Variants in SYT17 observed in about 807,000 individuals in gnomAD.
The protein encoded by SYT17 is synaptotagmin-17.
In SYT17, 22 loss-of-function variants were observed where a neutral mutation model predicts 46.7. That is an observed-to-expected ratio of 0.47 (90% CI 0.34 to 0.67). The LOEUF (loss-of-function observed/expected upper bound fraction) is 0.67, where lower values mean the gene tolerates loss of function less well. SYT17 is among the 30% of genes least tolerant of loss of function. SYT17 has a pLI of 0.01. For missense variants in SYT17, 519 were observed against 612.8 expected, an observed-to-expected ratio of 0.85 and a Z score of 1.62; for synonymous variants, 251 against 248.4, an observed-to-expected ratio of 1.01 and a Z score of -0.10.
intron 7 of SYT17, among the ~76,000 whole-genome samples, chr16:19,266,530 T>C (rs1049154113): frequency 2.6e-5 from 4 of 152,212 alleles, no homozygotes; most frequent in African/African-American, 9.6e-5. Context: ...CAGAGCTCTA[T>C]ATGCAGTGTG....
At chr16:19,196,757 C>T (rs1429269500) in intron 5 of SYT17, among the ~76,000 whole-genome samples, 1 of 152,174 alleles carries the variant, frequency 6.6e-6, no homozygotes, top group Non-Finnish European at 1.5e-5. Flanking sequence ...CCATAATTTA[C>T]ATTAGGATGC....
chr16:19,234,084 G>T (rs1966800543), intron 7 of SYT17, among the ~76,000 whole-genome samples: 1 of 152,170 alleles, frequency 6.6e-6, no homozygotes, highest in African/African-American at 2.4e-5. Flanking sequence ...CCAGCACTAT[G>T]GGGGGCCTAG....
chr16:19,181,149 G>GT (rs1479052360), intron 4 of SYT17, among the ~76,000 whole-genome samples: 1 of 152,150 alleles, frequency 6.6e-6, no homozygotes, highest in Non-Finnish European at 1.5e-5. Context: ...GGCAATCTGG[G>GT]TTTTTTTATG....
At chr16:19,207,816 A>G (rs1965731292) in intron 5 of SYT17, among the ~76,000 whole-genome samples, 2 of 152,122 alleles carry the variant, frequency 1.3e-5, no homozygotes, top group African/African-American at 2.4e-5. Flanking sequence ...CAACAGGATC[A>G]CTCGAGGCCA....
chr16:19,246,978 C>T (rs1402233000), intron 7 of SYT17, among the ~76,000 whole-genome samples: 3 of 152,056 alleles, frequency 2.0e-5, no homozygotes, highest in South Asian at 2.1e-4. Context: ...GAAAGGGGGT[C>T]GTGATGCATG....
chr16:19,174,821 A>G (rs1464485224), intron 3 of SYT17, among the ~76,000 whole-genome samples: 4 of 150,324 alleles, frequency 2.7e-5, no homozygotes, highest in Non-Finnish European at 4.5e-5. Flanking sequence ...GTGATCATAC[A>G]TGTAAGTAAC....
intron 5 of SYT17, among the ~76,000 whole-genome samples, chr16:19,195,400 C>CT (rs35709095): frequency 0.018 from 2,518 of 139,952 alleles, 66 homozygotes; most frequent in African/African-American, 0.054. Flanking sequence ...CAAAACAAAC[C>CT]TTTTTTTTTT....
intron 7 of SYT17, among the ~76,000 whole-genome samples, chr16:19,253,745 G>C (rs1351946726): frequency 6.6e-6 from 1 of 151,456 alleles, no homozygotes; most frequent in Non-Finnish European, 1.5e-5. Context: ...TTTTCTTCTT[G>C]AGACGGAGTT....
intron 7 of SYT17, among the ~76,000 whole-genome samples, chr16:19,245,350 C>T (rs571757715): frequency 1.4e-4 from 22 of 152,220 alleles, no homozygotes; most frequent in Admixed American, 6.5e-4. Flanking sequence ...CCCCTCACAA[C>T]GGAAAATCAT....
rs1358256667 is a variant in SYT17, at chr16:19,168,322, C to T, written c.-325C>T. The T allele has an allele frequency of 5.0e-6, 2 of 401,596 alleles. No individual in the cohort carries two copies. The highest frequency in any genetic ancestry group is 3.4e-5 in the South Asian group (1 of 29,272). The allele number at this position is 401,596 out of a possible 1,614,324, so 24.9% of individuals were successfully genotyped here. On this transcript the variant is annotated 5_prime_UTR_variant, in exon 1 of 8. Transcript: ENST00000355377. The surrounding 1 kb of genome is among the most constrained non-coding windows in gnomAD (Gnocchi z 6.9). Reference sequence around the variant, plus strand: ...AGCTGCCCCGGGCTGCTTGCCCAGGCGCCCCGGCCTTATTCCAGCCTGGGG... The same window carrying T: ...AGCTGCCCCGGGCTGCTTGCCCAGGTGCCCCGGCCTTATTCCAGCCTGGGG...
intron 5 of SYT17, among the ~76,000 whole-genome samples, chr16:19,202,699 T>G (rs1385975448): frequency 2.0e-5 from 3 of 152,098 alleles, no homozygotes; most frequent in African/African-American, 7.2e-5. Flanking sequence ...CAAAAGACAC[T>G]CTGATCATTC....
At chr16:19,249,963 C>T in intron 7 of SYT17, 1 of 1,536,046 alleles carries the variant, frequency 6.5e-7, no homozygotes, top group Non-Finnish European at 8.7e-7. Flanking sequence ...CCATACCAGC[C>T]TGCGAACTGA....
rs552001099 is a variant in SYT17 at position 19,225,727 on chromosome 16, G to A, written c.1228+889G>A. ...GAACTGGGGACCTCAGTTCCTTCCT[G>A]GTTGTTGGCCAGTGACCTTCCTCAA... is the stretch of plus-strand genomic sequence containing the variant. On this transcript the variant is annotated intron_variant, in intron 7 of 7. Transcript: ENST00000355377. 1.6e-4 allele frequency among the ~76,000 whole-genome samples: 25 copies of A among 152,314 alleles called. No homozygotes were observed. The East Asian group carries it at 4.8e-3, about 29-fold the overall frequency.
chr16:19,216,522 T>C (rs1313403692), intron 5 of SYT17, among the ~76,000 whole-genome samples: 1 of 152,102 alleles, frequency 6.6e-6, no homozygotes, highest in African/African-American at 2.4e-5. Flanking sequence ...CCTCATGCTA[T>C]CCCTCCCTTA....
Position 19,266,836 on chromosome 16 carries a change from C to G in SYT17, c.1229-44C>G, listed in dbSNP as rs372459311. ...CCTGCCTTCCTGTTCTGTTCCCCTC[C>G]TTCCTCTTGCCTCCCTCCTGCCCTC... On this transcript the variant is annotated intron_variant, in intron 7 of 7. Transcript: ENST00000355377. The G allele has an allele frequency of 1.9e-6, 3 of 1,578,246 alleles. No homozygotes were observed. In the African/African-American group the frequency reaches 4.0e-5, roughly 21 times the overall value.
chr16:19,175,828 C>T (rs1964293663), intron 3 of SYT17, among the ~76,000 whole-genome samples: 1 of 152,152 alleles, frequency 6.6e-6, no homozygotes, highest in Non-Finnish European at 1.5e-5. Context: ...GCAGAACTTG[C>T]ATCCTGAAAG....
At chr16:19,184,952 G>A (rs1035214408) in intron 5 of SYT17, among the ~76,000 whole-genome samples, 1 of 152,120 alleles carries the variant, frequency 6.6e-6, no homozygotes, top group Non-Finnish European at 1.5e-5. Flanking sequence ...AGCCACCCAC[G>A]GACCAGGCTG....
At chr16:19,201,110 G>C (rs1319683599) in intron 5 of SYT17, among the ~76,000 whole-genome samples, 2 of 152,220 alleles carry the variant, frequency 1.3e-5, no homozygotes, top group Non-Finnish European at 2.9e-5. Context: ...CTGCCGGACA[G>C]TCCAGGGGAC....
At chr16:19,184,926 G>A (rs1037313480) in intron 5 of SYT17, among the ~76,000 whole-genome samples, 1 of 152,154 alleles carries the variant, frequency 6.6e-6, no homozygotes, top group Non-Finnish European at 1.5e-5. Flanking sequence ...AGGGAAATGT[G>A]GTTGGCTGCT....
Sources: allele counts gnomAD v4.1 joint callset (sites outside exome capture counted in the v4.1 genomes callset), GRCh38; gene constraint gnomAD v4.1.1; non-coding constraint Gnocchi (gnomAD v3.1); transcripts MANE v1.5; gene names NCBI Gene and HGNC (gene_info 2026-07-23, HGNC 2026-07-21).